Variants in TRMT11 observed in about 807,000 individuals in gnomAD.
TRMT11 encodes the protein tRNA methyltransferase 11.
In TRMT11, 53 loss-of-function variants were observed where a neutral mutation model predicts 62.8. The observed-to-expected ratio is 0.84, with a 90% CI of 0.68 to 1.06. The LOEUF is 1.06. TRMT11 is among the 50% of genes least tolerant of loss of function. The probability of loss-of-function intolerance (pLI) is 0.00; values close to 1 mark genes in which losing one functional copy is unlikely to be tolerated. For synonymous variants in TRMT11, 188 were observed against 190.3 expected (o/e 0.99, Z 0.10); for missense variants, 556 against 553.4 (o/e 1.00, Z -0.05).
intron 1 of TRMT11, among the ~76,000 whole-genome samples, chr6:126,198,558 TC>T (rs1347930493): frequency 6.6e-5 from 10 of 152,180 alleles, no homozygotes. Context: ...ATTCTGTCTT[TC>T]CATGAGCTAA....
chr6:126,240,455 G>A, the TRMT11 span, among the ~76,000 whole-genome samples: 1 of 152,182 alleles, frequency 6.6e-6, no homozygotes, highest in African/African-American at 2.4e-5. Flanking sequence ...GAGGTCTCTT[G>A]GAGTTTGCTG....
intron 17 of TRMT11, among the ~76,000 whole-genome samples, chr6:126,106,622 A>G (rs949467018): frequency 6.6e-6 from 1 of 152,112 alleles, no homozygotes; most frequent in Admixed American, 6.6e-5. Flanking sequence ...TCTATAACAT[A>G]AGCTCTGTGA....
chr6:126,251,846 A>G, the TRMT11 span, among the ~76,000 whole-genome samples: 1 of 152,184 alleles, frequency 6.6e-6, no homozygotes, highest in African/African-American at 2.4e-5. Flanking sequence ...TACATCAGGT[A>G]TCCTAATGTA....
intron 21 of TRMT11, among the ~76,000 whole-genome samples, chr6:126,164,386 T>C (rs965620459): frequency 6.6e-6 from 1 of 152,222 alleles, no homozygotes; most frequent in African/African-American, 2.4e-5. Context: ...AGGAGTGTTT[T>C]ACTTCCAATT....
intron 21 of TRMT11, among the ~76,000 whole-genome samples, chr6:126,133,498 G>T (rs1412446735): frequency 6.6e-6 from 1 of 151,914 alleles, no homozygotes; most frequent in East Asian, 1.9e-4. Context: ...AGTTCCTTCT[G>T]CTGTGTTTCA....
intron 12 of TRMT11, 126 bp from the exon 13 acceptor site, chr6:126,038,579 T>C: frequency 1.5e-6 from 1 of 686,904 alleles, no homozygotes; most frequent in Non-Finnish European, 2.3e-6. Context: ...ATTCAAGTAG[T>C]GAAGGAAGAT....
chr6:126,203,919 T>TTGTGTGTGTGTGTGTGTGTGTG (rs71680476), downstream of TRMT11, among the ~76,000 whole-genome samples: 1 of 144,386 alleles, frequency 6.9e-6, no homozygotes, highest in Non-Finnish European at 1.5e-5. Flanking sequence ...GATCATCATT[T>TTGTGTGTGTGTGTGTGTGTGTG]TGTGTGTGTG....
the TRMT11 span, among the ~76,000 whole-genome samples, chr6:126,240,028 G>A: frequency 1.0e-3 from 159 of 152,184 alleles, 1 homozygote; most frequent in African/African-American, 3.5e-3. Flanking sequence ...CATTTGTCAC[G>A]TAGTTCTCAT....
chr6:126,123,285 T>C (rs1583881669), intron 21 of TRMT11, among the ~76,000 whole-genome samples: 1 of 152,086 alleles, frequency 6.6e-6, no homozygotes, highest in East Asian at 1.9e-4. Context: ...GCTCCTGTAG[T>C]AGAGTTGGAG....
intron 17 of TRMT11, among the ~76,000 whole-genome samples, chr6:126,059,172 C>T (rs1394968241): frequency 2.0e-5 from 3 of 151,870 alleles, no homozygotes. Flanking sequence ...GCATGAGCCA[C>T]TGCACCCAGC....
intron 18 of TRMT11, among the ~76,000 whole-genome samples, chr6:126,113,110 A>C (rs1344760238): frequency 1.3e-5 from 2 of 152,080 alleles, no homozygotes; most frequent in Non-Finnish European, 2.9e-5. Flanking sequence ...TTAAGCAAAC[A>C]ACCATGATAC....
intron 11 of TRMT11, among the ~76,000 whole-genome samples, chr6:126,020,458 C>T (rs898882080): frequency 1.3e-5 from 2 of 152,176 alleles, no homozygotes; most frequent in Non-Finnish European, 2.9e-5. Flanking sequence ...GCTATTGACT[C>T]CTGCTTTCTA....
intron 6 of TRMT11, among the ~76,000 whole-genome samples, chr6:125,999,127 A>C (rs972448704): frequency 1.3e-5 from 2 of 152,096 alleles, no homozygotes; most frequent in Admixed American, 1.3e-4. Flanking sequence ...GGGTGATTGG[A>C]AGCTGTGAGT....
chr6:126,048,144 C>A (rs1168203823), intron 16 of TRMT11, among the ~76,000 whole-genome samples: 2 of 152,156 alleles, frequency 1.3e-5, no homozygotes, highest in African/African-American at 4.8e-5. Context: ...TTTAAAAATA[C>A]ATTTAGGTGG....
intron 17 of TRMT11, among the ~76,000 whole-genome samples, chr6:126,098,252 G>A (rs1309315167): frequency 2.0e-5 from 3 of 152,030 alleles, no homozygotes; most frequent in Non-Finnish European, 4.4e-5. Context: ...GGGGGCAGGC[G>A]CTGCACAGCT....
chr6:126,084,806 G>A (rs1457590289), intron 17 of TRMT11, among the ~76,000 whole-genome samples: 1 of 152,140 alleles, frequency 6.6e-6, no homozygotes, highest in Non-Finnish European at 1.5e-5. Flanking sequence ...GAACCTGGAG[G>A]ATATTGTGCT....
intron 21 of TRMT11, among the ~76,000 whole-genome samples, chr6:126,135,673 GACAC>G (rs375344786): frequency 2.0e-5 from 3 of 151,440 alleles, no homozygotes; most frequent in African/African-American, 7.3e-5. Flanking sequence ...ACCAGACAAA[GACAC>G]ACACACAAAG....
chr6:126,142,117 T>A (rs1253651920), intron 21 of TRMT11, among the ~76,000 whole-genome samples: 1 of 152,110 alleles, frequency 6.6e-6, no homozygotes, highest in Admixed American at 6.6e-5. Flanking sequence ...TGATGGAGTT[T>A]CCAGACTTTT....
chr6:125,991,508 T>C (rs1790624631), intron 1 of TRMT11, among the ~76,000 whole-genome samples: 1 of 152,048 alleles, frequency 6.6e-6, no homozygotes, highest in African/African-American at 2.4e-5. Context: ...GCTCTCACTG[T>C]GTTGCCAGGG....
Sources: gnomAD v4.1 joint callset for allele counts (sites outside exome capture counted in the v4.1 genomes callset) on GRCh38, gnomAD v4.1.1 for gene constraint, MANE v1.5 for transcripts, NCBI Gene and HGNC (gene_info 2026-07-23, HGNC 2026-07-21) for gene names.